C2: variants seen among roughly 807,000 people sequenced by gnomAD.
The protein encoded by C2 is complement C2, also known as C3/C5 convertase.
Under a neutral mutation model 85.2 loss-of-function variants are expected in C2, and 64 were observed. The observed-to-expected ratio is 0.75, with a 90% CI of 0.61 to 0.92. The LOEUF is 0.92. Ranked by LOEUF, C2 falls within the 40% of genes least tolerant of loss-of-function variation. The pLI is 0.00. For missense variants in C2, 820 were observed against 971.6 expected, an observed-to-expected ratio of 0.84 and a Z score of 2.07; for synonymous variants, 311 against 370.8, an observed-to-expected ratio of 0.84 and a Z score of 1.85.
upstream of C2, among the ~76,000 whole-genome samples, chr6:31,917,378 A>G (rs1768615258): frequency 6.6e-6 from 1 of 152,162 alleles, no homozygotes; most frequent in African/African-American, 2.4e-5. Flanking sequence ...GAATTAGCGT[A>G]GGAACAGAAA....
In C2 at chr6:31,933,769, AGCCCATCTGCC is replaced by A; in HGVS notation, c.606_616del (p.Ile203ThrfsTer5). 6.2e-7 allele frequency: 1 copy of A among 1,613,782 alleles called. No homozygotes were observed. Among genetic ancestry groups the A allele is most frequent in the Non-Finnish European group, 8.5e-7 (1 of 1,180,028 alleles). On this transcript the variant is annotated frameshift_variant, in exon 4 of 18. Transcript: ENST00000299367. LOFTEE classifies it high-confidence loss of function. ...GGCAACGGGGTCTGGAGTGGAACGG[AGCCCATCTGCC>A]GCCGTGAGTAGCTGCCCTGCCCTCC...
chr6:31,909,713 G>A (rs1481183731), intron 1 of C2, among the ~76,000 whole-genome samples: 1 of 151,474 alleles, frequency 6.6e-6, no homozygotes, highest in African/African-American at 2.4e-5. Context: ...TCTCAGCCTG[G>A]GATCACAGGC....
chr6:31,928,194 T>G (rs189688452), intron 2 of C2, 30 bp downstream of exon 2: 1 of 1,582,428 alleles, frequency 6.3e-7, no homozygotes, highest in Non-Finnish European at 8.6e-7. Flanking sequence ...TTGCTCAGGG[T>G]GCTACACCAG....
chr6:31,906,621 T>G (rs1408931360), intron 1 of C2, among the ~76,000 whole-genome samples: 2 of 151,812 alleles, frequency 1.3e-5, no homozygotes, highest in African/African-American at 4.9e-5. Flanking sequence ...CCTCTGAGCC[T>G]CACCAAGTCT....
At chr6:31,940,066 CA>C (rs2151765012) in intron 9 of C2, among the ~76,000 whole-genome samples, 1 of 152,328 alleles carries the variant, frequency 6.6e-6, no homozygotes, top group African/African-American at 2.4e-5. Context: ...AGGCGTGAGC[CA>C]CTGTGCCTGG....
upstream of C2, among the ~76,000 whole-genome samples, chr6:31,925,436 G>C (rs1769202876): frequency 1.3e-5 from 2 of 152,054 alleles, no homozygotes; most frequent in Non-Finnish European, 2.9e-5. Context: ...GGGATTACAG[G>C]CGTATGCCAC....
intron 1 of C2, chr6:31,901,245 G>T (rs1662694821): frequency 6.2e-7 from 1 of 1,613,286 alleles, no homozygotes; most frequent in Non-Finnish European, 8.5e-7. Flanking sequence ...TTCATGTTCC[G>T]TAGCGTTGCG....
upstream of C2, chr6:31,927,458 G>C: frequency 7.2e-7 from 1 of 1,396,856 alleles, no homozygotes. This position sits in a 1 kb window ranked among gnomAD's most constrained non-coding sequence, Gnocchi z 4.7. Flanking sequence ...TGGTGCACAT[G>C]TGCACGCATG....
At position 31,944,731 on chromosome 6, in the gene C2, C is replaced by G. The variant is rs777096995; in HGVS notation, c.1907C>G (p.Thr636Arg). The G allele has an allele frequency of 2.5e-6, 4 of 1,613,096 alleles. No homozygotes were observed. In the Admixed American group the frequency reaches 6.7e-5, roughly 27 times the overall value. The change falls in exon 16 of 18, where the codon ACA becomes AGA. Residue 636 changes from threonine to arginine, a missense_variant. Coordinates refer to ENST00000299367, the MANE Select transcript of C2 (RefSeq NM_000063.6). The surrounding 1 kb of genome is among the most constrained non-coding windows in gnomAD (Gnocchi z 5.1). ...NINLKMGVEW[T>R]SCAEVVSQEK... ...CTGGTTCCACCCCTGCTGCAGTGGA[C>G]AAGCTGTGCCGAGGTTGTCTCCCAA...
upstream of C2, among the ~76,000 whole-genome samples, chr6:31,923,781 A>G (rs1246694927): frequency 5.1e-4 from 62 of 120,744 alleles, no homozygotes; most frequent in Middle Eastern, 8.3e-3. Context: ...AAGCCACCGC[A>G]CCCGGCCTCT....
chr6:31,936,162 T>C, intron 7 of C2, 101 bp downstream of exon 7: 2 of 1,307,444 alleles, frequency 1.5e-6, no homozygotes, highest in Non-Finnish European at 2.1e-6. Context: ...GTGAGGCCTC[T>C]TGGTGGCACC....
chr6:31,944,203 ATTAACC>A lies in C2; in HGVS notation c.1884_1889del (p.Asn628_Leu629del). ...CGCCTTGAATGGGAGCAAACTGAAC[ATTAACC>A]TTAAGATGGGAGTGGAGGTGAGGGT... On this transcript the variant is annotated inframe_deletion, in exon 15 of 18. Transcript: ENST00000299367. The surrounding 1 kb of genome is among the most constrained non-coding windows in gnomAD (Gnocchi z 5.1). 11 of 1,611,920 alleles carry A rather than the reference ATTAACC, an allele frequency of 6.8e-6. No homozygotes were observed. Among genetic ancestry groups the A allele is most frequent in the Non-Finnish European group, 9.3e-6 (11 of 1,179,002 alleles).
intron 3 of C2, among the ~76,000 whole-genome samples, chr6:31,930,196 C>T (rs1388624968): frequency 6.6e-6 from 1 of 151,828 alleles, no homozygotes; most frequent in African/African-American, 2.4e-5. Flanking sequence ...ACTCTCCTGC[C>T]TCAGCCTCCC....
At chr6:31,928,509 G>A (rs1769448421) in intron 2 of C2, among the ~76,000 whole-genome samples, 2 of 152,130 alleles carry the variant, frequency 1.3e-5, no homozygotes, top group Non-Finnish European at 2.9e-5. Context: ...GGAGACTGAG[G>A]GAAGTGGCTA....
Position 31,945,515 on chromosome 6 carries a change from A to T in C2, c.*158A>T. 1 of 731,104 alleles carries T rather than the reference A, an allele frequency of 1.4e-6. No homozygotes were observed. The allele number at this position is 731,104 out of a possible 1,614,324, so 45.3% of individuals were successfully genotyped here. On this transcript the variant is annotated 3_prime_UTR_variant, in exon 18 of 18. Transcript: ENST00000299367. This position sits in a 1 kb window ranked among gnomAD's most constrained non-coding sequence, Gnocchi z 5.3. ...AGAGGCAGCGCACACAAGCTGGGAAATCCTCAGGGCTCCTACCAGCAGGAC... is the reference window on the plus strand; with the variant it reads ...AGAGGCAGCGCACACAAGCTGGGAATTCCTCAGGGCTCCTACCAGCAGGAC...
At chr6:31,899,411 G>A (rs1767009079), upstream of C2, among the ~76,000 whole-genome samples, 1 of 151,808 alleles carries the variant, frequency 6.6e-6, no homozygotes, top group African/African-American at 2.4e-5. Context: ...TCCCCAGCAT[G>A]CAAGAACTGT....
rs546045057 is a variant in C2 at position 31,942,839 on chromosome 6, C to T, written c.1220-120C>T. ...GGCAGACAGGTAGCAGTGGGGAGGA[C>T]GCAGGGGTCCAGCTCATGTAGGTCT... On this transcript the variant is annotated intron_variant, in intron 9 of 17. Transcript: ENST00000299367. The T allele has an allele frequency of 9.6e-6, 12 of 1,243,696 alleles. No homozygotes were observed. The South Asian group carries it at 1.0e-4, about 11-fold the overall frequency. The allele number at this position is 1,243,696 out of a possible 1,614,324, so 77.0% of individuals were successfully genotyped here.
At chr6:31,927,648 T>C, upstream of C2, 1 of 1,608,588 alleles carries the variant, frequency 6.2e-7, no homozygotes, top group East Asian at 2.2e-5. This position sits in a 1 kb window ranked among gnomAD's most constrained non-coding sequence, Gnocchi z 4.7. Context: ...TTTTCTTCTC[T>C]GGCAGCAATG....
chr6:31,936,933 G>A (rs1159622775), intron 7 of C2: 3 of 216,610 alleles, frequency 1.4e-5, no homozygotes, highest in South Asian at 1.6e-4. Flanking sequence ...TTTCCAGGCC[G>A]GGTGCAGTGG....
Sources: gnomAD v4.1 joint callset for allele counts (sites outside exome capture counted in the v4.1 genomes callset) on GRCh38, gnomAD v4.1.1 for gene constraint, Gnocchi (gnomAD v3.1) non-coding constraint, MANE v1.5 for transcripts, NCBI Gene and HGNC (gene_info 2026-07-23, HGNC 2026-07-21) for gene names.